Variants in MYRIP observed in about 807,000 individuals in gnomAD.
MYRIP encodes the protein rab effector MyRIP.
MYRIP carries 49 observed loss-of-function variants against 98.0 expected under a neutral mutation model. The ratio of observed to expected loss-of-function variants is 0.50; its 90% CI spans 0.40 to 0.63. The LOEUF (loss-of-function observed/expected upper bound fraction) is 0.63. MYRIP is among the 30% of genes least tolerant of loss of function. The probability of loss-of-function intolerance (pLI) is 0.00; values close to 1 mark genes in which losing one functional copy is unlikely to be tolerated. For synonymous variants in MYRIP, 404 were observed against 409.5 expected (o/e 0.99, Z 0.16); for missense variants, 1,004 against 1,058.2 (o/e 0.95, Z 0.71).
intron 3 of MYRIP, among the ~76,000 whole-genome samples, chr3:40,145,305 T>G (rs369208734): frequency 2.0e-5 from 3 of 152,310 alleles, no homozygotes; most frequent in African/African-American, 7.2e-5. Flanking sequence ...CTCAAAAAAT[T>G]GTGCTCATTT....
chr3:40,116,715 A>C (rs1343460564), intron 3 of MYRIP, among the ~76,000 whole-genome samples: 1 of 152,176 alleles, frequency 6.6e-6, no homozygotes, highest in Non-Finnish European at 1.5e-5. Flanking sequence ...AGGGCTAGAA[A>C]ACTGAATAGA....
At chr3:39,848,289 G>A (rs1456265451) in intron 1 of MYRIP, among the ~76,000 whole-genome samples, 2 of 152,140 alleles carry the variant, frequency 1.3e-5, no homozygotes, top group Non-Finnish European at 2.9e-5. Context: ...TTGAATGATT[G>A]TACTGTATTT....
chr3:40,102,221 T>A (rs1948958594), intron 3 of MYRIP, among the ~76,000 whole-genome samples: 1 of 152,284 alleles, frequency 6.6e-6, no homozygotes, highest in East Asian at 1.9e-4. Flanking sequence ...AAACCTCAAG[T>A]CTTCTGAGAT....
chr3:39,954,231 C>T (rs1466847790), intron 2 of MYRIP, among the ~76,000 whole-genome samples: 4 of 152,082 alleles, frequency 2.6e-5, no homozygotes, highest in African/African-American at 7.2e-5. Flanking sequence ...TCCCTGACAC[C>T]CAAGTAGCTT....
At chr3:40,079,298 T>G (rs1443142052) in intron 3 of MYRIP, among the ~76,000 whole-genome samples, 2 of 152,238 alleles carry the variant, frequency 1.3e-5, no homozygotes, top group African/African-American at 2.4e-5. Flanking sequence ...ATGTGGTATC[T>G]TAATAGTTAG....
intron 2 of MYRIP, among the ~76,000 whole-genome samples, chr3:39,952,720 A>G (rs1441408416): frequency 6.6e-6 from 1 of 152,224 alleles, no homozygotes; most frequent in African/African-American, 2.4e-5. Flanking sequence ...GATTGGTAGT[A>G]ATGAATTTTC....
At chr3:40,182,902 A>G (rs1029941908) in intron 9 of MYRIP, among the ~76,000 whole-genome samples, 1 of 152,200 alleles carries the variant, frequency 6.6e-6, no homozygotes, top group Non-Finnish European at 1.5e-5. Flanking sequence ...AGTAAACTGA[A>G]TATCTAAGCG....
intron 2 of MYRIP, among the ~76,000 whole-genome samples, chr3:39,910,940 G>C (rs1334729711): frequency 6.6e-6 from 1 of 152,088 alleles, no homozygotes; most frequent in Non-Finnish European, 1.5e-5. Flanking sequence ...GTCAGATATT[G>C]GCCTTTGCTA....
intron 2 of MYRIP, among the ~76,000 whole-genome samples, chr3:39,984,230 T>G (rs1945971474): frequency 6.6e-6 from 1 of 151,850 alleles, no homozygotes; most frequent in Non-Finnish European, 1.5e-5. Flanking sequence ...TTATTTTATT[T>G]TATTTATTGT....
At chr3:39,902,082 A>G (rs1483184439) in intron 2 of MYRIP, among the ~76,000 whole-genome samples, 2 of 152,208 alleles carry the variant, frequency 1.3e-5, no homozygotes, top group African/African-American at 2.4e-5. Context: ...GACGTCCCCA[A>G]GGTTTTTTGG....
chr3:39,988,463 TG>T lies in MYRIP; in HGVS notation c.111-55586del, dbSNP rs369688039. On this transcript the variant is annotated intron_variant, in intron 2 of 16. Transcript: ENST00000302541. Reference sequence around the variant, plus strand: ...ACGCTTACCACTTTTTCCTTCATTTTGACCTTGGAGAATCTGATGATTATTT... The same window carrying T: ...ACGCTTACCACTTTTTCCTTCATTTTACCTTGGAGAATCTGATGATTATTT... 9.8e-5 allele frequency among the ~76,000 whole-genome samples: 15 copies of T among 152,308 alleles called. No individual in the cohort carries two copies. The South Asian group carries it at 3.1e-3, about 32-fold the overall frequency.
chr3:40,057,519 G>A (rs1947908517), intron 3 of MYRIP, among the ~76,000 whole-genome samples: 1 of 152,170 alleles, frequency 6.6e-6, no homozygotes, highest in Admixed American at 6.6e-5. Flanking sequence ...TGACCTGTAA[G>A]AACAGGCACC....
rs72868175 is a variant in MYRIP at position 39,909,210 on chromosome 3, C to T, written c.110+8284C>T. On this transcript the variant is annotated intron_variant, in intron 2 of 16. Coordinates refer to ENST00000302541, the MANE Select transcript of MYRIP (RefSeq NM_015460.4). ...CCTGGAGACTCATGGAGGGCAGGTG[C>T]GCAGGCCGCAGAAAGGAGAGTGGAG... is the stretch of plus-strand genomic sequence containing the variant. Among the ~76,000 whole-genome samples, 435 of 152,184 alleles carry T rather than the reference C, an allele frequency of 2.9e-3. 1 individual carries two copies. Among genetic ancestry groups the T allele is most frequent in the African/African-American group, 9.2e-3 (383 of 41,510 alleles).
rs554000725 is a variant in MYRIP at position 40,184,712 on chromosome 3, G to A, written c.1027+2339G>A. ...ACAAAATAGTTTCCAACTGGATTAT[G>A]AGCATTCATAATAAATTTGCAAAGG... On this transcript the variant is annotated intron_variant, in intron 9 of 16. Transcript: ENST00000302541. Among the ~76,000 whole-genome samples, 12 of 152,300 alleles carry A rather than the reference G, an allele frequency of 7.9e-5. No individual in the cohort carries two copies. The South Asian group carries it at 1.7e-3, about 21-fold the overall frequency.
At chr3:40,128,900 G>T (rs534206352) in intron 3 of MYRIP, among the ~76,000 whole-genome samples, 4 of 152,298 alleles carry the variant, frequency 2.6e-5, no homozygotes, top group South Asian at 2.1e-4. Context: ...GTTGCAGATT[G>T]CTTGGTGCAC....
chr3:39,817,519 C>T (rs1049049888), intron 1 of MYRIP, among the ~76,000 whole-genome samples: 3 of 152,070 alleles, frequency 2.0e-5, no homozygotes, highest in Non-Finnish European at 2.9e-5. Flanking sequence ...CTCATGGGCA[C>T]ATTAAAAACA....
chr3:39,870,639 G>A (rs1419357400), intron 1 of MYRIP, among the ~76,000 whole-genome samples: 2 of 152,072 alleles, frequency 1.3e-5, no homozygotes, highest in East Asian at 3.9e-4. Context: ...GAAGTCAAAG[G>A]AAATCAAAAT....
At chr3:39,956,514 G>A (rs1017243363) in intron 2 of MYRIP, among the ~76,000 whole-genome samples, 1 of 152,190 alleles carries the variant, frequency 6.6e-6, no homozygotes, top group Non-Finnish European at 1.5e-5. Context: ...GAATCTCTGA[G>A]ACACATTCAC....
chr3:40,254,128 C>T (rs1252257685), intron 16 of MYRIP, among the ~76,000 whole-genome samples: 1 of 152,098 alleles, frequency 6.6e-6, no homozygotes, highest in Non-Finnish European at 1.5e-5. Context: ...TAAAAACTGT[C>T]AATCGAGAAA....
Sources: gnomAD v4.1 joint callset for allele counts (sites outside exome capture counted in the v4.1 genomes callset) on GRCh38, gnomAD v4.1.1 for gene constraint, MANE v1.5 for transcripts, NCBI Gene and HGNC (gene_info 2026-07-23, HGNC 2026-07-21) for gene names.